Variants in CCDC185 observed in about 807,000 individuals in gnomAD.
CCDC185 encodes coiled-coil domain-containing protein 185.
For missense variants in CCDC185, 982 were observed against 825.3 expected (o/e 1.19, Z -2.33); for synonymous variants, 381 against 348.1 (o/e 1.09, Z -1.05).
In CCDC185 at chr1:223,394,466, C is replaced by T. The variant is rs6682552; in HGVS notation, c.991C>T (p.Arg331Trp). 0.052 allele frequency: 81,338 copies of T among 1,571,290 alleles called. 2,545 individuals are homozygous for T. The highest frequency in any genetic ancestry group is 0.12 in the Admixed American group (6,102 of 53,036). The change falls in exon 1 of 1, where the codon CGG becomes TGG. Residue 331 changes from arginine to tryptophan, a missense_variant. Transcript: ENST00000366875. ...TLQSPEQRGL[R>W]RDSQRKNVPP... Reference sequence around the variant, plus strand: ...CCAGAGCCCTGAGCAGCGCGGCCTGCGGCGGGACAGCCAGAGGAAGAACGT... The same window carrying T: ...CCAGAGCCCTGAGCAGCGCGGCCTGTGGCGGGACAGCCAGAGGAAGAACGT...
rs374524825 is a variant in CCDC185 at position 223,395,073 on chromosome 1, G to T, written c.1598G>T (p.Arg533Leu). 6.2e-7 allele frequency: 1 copy of T among 1,614,042 alleles called. No individual in the cohort carries two copies. Among genetic ancestry groups the T allele is most frequent in the South Asian group, 1.1e-5 (1 of 91,080 alleles). Residue 533 changes from arginine (R) to leucine (L), a missense_variant, in exon 1 of 1, where the codon CGG becomes CTG. Transcript: ENST00000366875. Reference sequence around the variant, plus strand: ...ACTAGGGACAAGGTGCAGCACCTCCGGGAGCTCAACCACCTGAGGGAGAAA... The same window carrying T: ...ACTAGGGACAAGGTGCAGCACCTCCTGGAGCTCAACCACCTGAGGGAGAAA... Reference protein sequence around the residue: ...KTTRDKVQHLRELNHLREKNH... With the variant: ...KTTRDKVQHLLELNHLREKNH...
In CCDC185 at chr1:223,395,151, A is replaced by G; in HGVS notation, c.1676A>G (p.Glu559Gly). The G allele has an allele frequency of 6.2e-7, 1 of 1,614,134 alleles. No individual in the cohort carries two copies. Among genetic ancestry groups the G allele is most frequent in the Non-Finnish European group, 8.5e-7 (1 of 1,180,010 alleles). Residue 559 changes from glutamate to glycine, a missense_variant, in exon 1 of 1, where the codon GAG (glutamate) becomes GGG (glycine). Glu to Gly is a moderately conservative substitution (Grantham distance 98). Transcript: ENST00000366875. ...GAGAAGGAGGAAAAGTGTCACATTG[A>G]GGGCATCAAGGAGGCCATTAAGAAA... ...KAEKEEKCHI[E>G]GIKEAIKKKE...
rs1352022228 is a variant in CCDC185 at position 223,393,994 on chromosome 1, A to G, written c.519A>G (p.Ala173=). ...AGGCACAGGGTGGAGACCAGTGGGC[A>G]GTGCCACTCGGCAGACATCTAGGTC... ...VEKAQGGDQW[A]VPLGRHLGRW... The change falls in exon 1 of 1, where the codon GCA becomes GCG. Residue 173 remains alanine (A), a synonymous_variant. Transcript: ENST00000366875. The surrounding 1 kb of genome is among the most constrained non-coding windows in gnomAD (Gnocchi z 4.8). 1.9e-6 allele frequency: 3 copies of G among 1,614,006 alleles called. No individual in the cohort carries two copies. In the Admixed American group the frequency reaches 5.0e-5, roughly 27 times the overall value.
In CCDC185 at chr1:223,394,372, G is replaced by A; in HGVS notation, c.897G>A (p.Glu299=). The change falls in exon 1 of 1, where the codon GAG becomes GAA. Residue 299 remains glutamate, a synonymous_variant. Transcript: ENST00000366875. ...RSDQKVQMTL[E]RERRLLLRQS... is the part of the protein sequence containing the mutation. ...ATCAGAAGGTCCAGATGACCCTGGA[G>A]CGGGAGCGCCGGCTGCTGCTGCGGC... is the stretch of plus-strand genomic sequence containing the variant. The A allele has an allele frequency of 6.3e-7, 1 of 1,576,898 alleles. No individual in the cohort carries two copies. Among genetic ancestry groups the A allele is most frequent in the Non-Finnish European group, 8.6e-7 (1 of 1,161,590 alleles).
At chr1:223,394,944 GGC>G in the CCDC185 span, 5 of 1,614,174 alleles carry the variant, frequency 3.1e-6, no homozygotes, top group Non-Finnish European at 4.2e-6. Flanking sequence ...CAGGCCAGGT[GGC>G]GCGCAGGGGA....
Position 223,394,620 on chromosome 1 carries a change from A to G in CCDC185, c.1145A>G (p.Gln382Arg). ...TGCCAGGTGCGGCGCCTGCGGGAGC[A>G]GGAGAAGATGCTACGGAACCTCCGG... is the stretch of plus-strand genomic sequence containing the variant. ...KQCQVRRLRE[Q>R]EKMLRNLREQ... Residue 382 changes from glutamine (Q) to arginine (R), a missense_variant, in exon 1 of 1, where the codon CAG becomes CGG. Gln to Arg is a conservative substitution (Grantham distance 43, BLOSUM62 1). Coordinates refer to ENST00000366875, the MANE Select transcript of CCDC185 (RefSeq NM_152610.3). 6.2e-7 allele frequency: 1 copy of G among 1,613,070 alleles called. No homozygotes were observed.
rs922962218 is a variant in CCDC185, at chr1:223,394,383, G to GGCT, written c.917_919dup (p.Leu306dup). ...CAGATGACCCTGGAGCGGGAGCGCC[G>GGCT]GCTGCTGCTGCGGCAGAGCCAGGAG... On this transcript the variant is annotated inframe_insertion, in exon 1 of 1. Transcript: ENST00000366875. 5.7e-6 allele frequency: 9 copies of GGCT among 1,571,504 alleles called. No homozygotes were observed. The highest frequency in any genetic ancestry group is 1.7e-4 in the Middle Eastern group (1 of 6,008).
chr1:223,393,881 C>A lies in CCDC185; in HGVS notation c.406C>A (p.Pro136Thr), dbSNP rs200002694. ...QLPPQRPQPC[P>T]HYPLAQGDSP... ...GCCACCCCAGCGGCCGCAGCCCTGC[C>A]CGCATTACCCTCTGGCCCAGGGAGA... The change falls in exon 1 of 1, where the codon CCG becomes ACG. Residue 136 changes from proline to threonine, a missense_variant. Pro to Thr is a conservative substitution (Grantham distance 38, BLOSUM62 -1). Coordinates refer to ENST00000366875, the MANE Select transcript of CCDC185 (RefSeq NM_152610.3). This position sits in a 1 kb window ranked among gnomAD's most constrained non-coding sequence, Gnocchi z 4.8. 1.3e-4 allele frequency: 212 copies of A among 1,609,236 alleles called. No homozygotes were observed. The African/African-American group carries it at 2.7e-3, about 20-fold the overall frequency.
chr1:223,395,345 T>C lies in CCDC185; in HGVS notation c.1870T>C (p.Ter624ArgextTer24), dbSNP rs1669652730. 2 of 1,508,114 alleles carry C rather than the reference T, an allele frequency of 1.3e-6. No homozygotes were observed. Among genetic ancestry groups the C allele is most frequent in the Non-Finnish European group, 1.8e-6 (2 of 1,130,834 alleles). The allele number at this position is 1,508,114 out of a possible 1,614,324, so 93.4% of individuals were successfully genotyped here. Residue 624 changes from the stop codon to arginine (R), a stop_lost, in exon 1 of 1, where the codon TGA becomes CGA. Transcript: ENST00000366875. ...TGCCTGTCAGCAGAACAGGGGTTAC[T>C]GAGAACCAAGGACGCCTGGCTTACA... ...LRACQQNRGY[*>R]
Position 223,394,453 on chromosome 1 carries a change from G to A in CCDC185, c.978G>A (p.Glu326=), listed in dbSNP as rs369291712. ...KEQRKTLQSP[E]QRGLRRDSQR... ...AGCGCAAGACCCTCCAGAGCCCTGA[G>A]CAGCGCGGCCTGCGGCGGGACAGCC... Residue 326 remains glutamate, a synonymous_variant, in exon 1 of 1, where the codon GAG becomes GAA. Transcript: ENST00000366875. The A allele has an allele frequency of 6.4e-7, 1 of 1,572,588 alleles. No individual in the cohort carries two copies.
chr1:223,394,344 C>T lies in CCDC185; in HGVS notation c.869C>T (p.Ser290Leu). 6.3e-7 allele frequency: 1 copy of T among 1,594,448 alleles called. No homozygotes were observed. The highest frequency in any genetic ancestry group is 8.5e-7 in the Non-Finnish European group (1 of 1,170,758). The change falls in exon 1 of 1, where the codon TCG becomes TTG. Residue 290 changes from serine (S) to leucine (L), a missense_variant. By Grantham distance (145) the Ser-to-Leu change is moderately radical. Transcript: ENST00000366875. Reference protein sequence around the residue: ...AAKAWEELKRSDQKVQMTLER... With the variant: ...AAKAWEELKRLDQKVQMTLER... ...AAGGCCTGGGAGGAGCTGAAGCGCT[C>T]GGATCAGAAGGTCCAGATGACCCTG...
Position 223,395,084 on chromosome 1 carries a change from C to A in CCDC185, c.1609C>A (p.His537Asn), listed in dbSNP as rs1354689139. The A allele has an allele frequency of 6.2e-7, 1 of 1,614,048 alleles. No homozygotes were observed. Among genetic ancestry groups the A allele is most frequent in the Non-Finnish European group, 8.5e-7 (1 of 1,180,032 alleles). Residue 537 changes from histidine to asparagine, a missense_variant, in exon 1 of 1, where the codon CAC (histidine) becomes AAC (asparagine). Coordinates refer to ENST00000366875, the MANE Select transcript of CCDC185 (RefSeq NM_152610.3). ...GGTGCAGCACCTCCGGGAGCTCAAC[C>A]ACCTGAGGGAGAAAAACCACCACAT... The part of the protein sequence containing the change: ...DKVQHLRELN[H>N]LREKNHHILK...
At position 223,394,263 on chromosome 1, in the gene CCDC185, T is replaced by G; in HGVS notation, c.788T>G (p.Val263Gly). Reference sequence around the variant, plus strand: ...CAGGACCAGCAGATTGTGGCCCTGGTGCTGACCCGTCTCAAGAAGGCCCAG... The same window carrying G: ...CAGGACCAGCAGATTGTGGCCCTGGGGCTGACCCGTCTCAAGAAGGCCCAG... ...SSQDQQIVAL[V>G]LTRLKKAQRI... Residue 263 changes from valine to glycine, a missense_variant, in exon 1 of 1, where the codon GTG becomes GGG. Transcript: ENST00000366875. 1 of 1,613,728 alleles carries G rather than the reference T, an allele frequency of 6.2e-7. No individual in the cohort carries two copies.
chr1:223,394,057 T>G lies in CCDC185; in HGVS notation c.582T>G (p.Ser194=), dbSNP rs1164520015. Residue 194 remains serine, a synonymous_variant, in exon 1 of 1, where the codon TCT becomes TCG. Transcript: ENST00000366875. ...CCTCAGTTCCCTCGGAGCGGTCTTCTGTGCCCTCGCAAAAGTTCAAGAGGC... is the reference window on the plus strand; with the variant it reads ...CCTCAGTTCCCTCGGAGCGGTCTTCGGTGCCCTCGCAAAAGTTCAAGAGGC... The part of the protein sequence containing the change: ...SPSSVPSERS[S]VPSQKFKRHS... The G allele has an allele frequency of 2.5e-6, 4 of 1,614,176 alleles. No individual in the cohort carries two copies. The highest frequency in any genetic ancestry group is 3.4e-6 in the Non-Finnish European group (4 of 1,180,046).
chr1:223,394,534 G>A lies in CCDC185; in HGVS notation c.1059G>A (p.Gln353=). ...ESRWKEQPED[Q]ESPRQEKLEK... Reference sequence around the variant, plus strand: ...GGTGGAAGGAGCAACCAGAGGACCAGGAGAGCCCGCGCCAGGAGAAGCTGG... The same window carrying A: ...GGTGGAAGGAGCAACCAGAGGACCAAGAGAGCCCGCGCCAGGAGAAGCTGG... Residue 353 remains glutamine (Q), a synonymous_variant, in exon 1 of 1, where the codon CAG becomes CAA. Coordinates refer to ENST00000366875, the MANE Select transcript of CCDC185 (RefSeq NM_152610.3). 2 of 1,598,466 alleles carry A rather than the reference G, an allele frequency of 1.3e-6. No individual in the cohort carries two copies. Among genetic ancestry groups the A allele is most frequent in the Non-Finnish European group, 1.7e-6 (2 of 1,173,078 alleles).
In CCDC185 at chr1:223,394,862, C is replaced by T. The variant is rs1429767895; in HGVS notation, c.1387C>T (p.His463Tyr). ...AAGTTTCCAGCGGTCCCAGGAGATA[C>T]ACCAGGGCCTGAGGAAGGAGCGGCA... is the stretch of plus-strand genomic sequence containing the variant. ...EQSFQRSQEI[H>Y]QGLRKERQRE... The change falls in exon 1 of 1, where the codon CAC (histidine) becomes TAC (tyrosine). Residue 463 changes from histidine to tyrosine, a missense_variant. By Grantham distance (83) the His-to-Tyr change is moderately conservative. Coordinates refer to ENST00000366875, the MANE Select transcript of CCDC185 (RefSeq NM_152610.3). The T allele has an allele frequency of 6.2e-7, 1 of 1,613,940 alleles. No individual in the cohort carries two copies. The highest frequency in any genetic ancestry group is 8.5e-7 in the Non-Finnish European group (1 of 1,180,002).
Position 223,394,260 on chromosome 1 carries a change from T to C in CCDC185, c.785T>C (p.Leu262Pro). The C allele has an allele frequency of 1.2e-6, 2 of 1,613,796 alleles. No individual in the cohort carries two copies. The highest frequency in any genetic ancestry group is 1.7e-6 in the Non-Finnish European group (2 of 1,180,008). ...VSSQDQQIVA[L>P]VLTRLKKAQR... is the part of the protein sequence containing the mutation. ...TCCCAGGACCAGCAGATTGTGGCCC[T>C]GGTGCTGACCCGTCTCAAGAAGGCC... The change falls in exon 1 of 1, where the codon CTG becomes CCG. Residue 262 changes from leucine to proline, a missense_variant. Leu to Pro is a moderately conservative substitution (Grantham distance 98). Coordinates refer to ENST00000366875, the MANE Select transcript of CCDC185 (RefSeq NM_152610.3).
chr1:223,393,961 G>A lies in CCDC185; in HGVS notation c.486G>A (p.Arg162=), dbSNP rs762140542. Residue 162 remains arginine, a synonymous_variant, in exon 1 of 1, where the codon AGG becomes AGA. Coordinates refer to ENST00000366875, the MANE Select transcript of CCDC185 (RefSeq NM_152610.3). This position sits in a 1 kb window ranked among gnomAD's most constrained non-coding sequence, Gnocchi z 4.8. ...GCACTCCCCTGAGTGGCACATTCAG[G>A]GTAGAAAAGGCACAGGGTGGAGACC... ...GAGTPLSGTF[R]VEKAQGGDQW... 14 of 1,613,904 alleles carry A rather than the reference G, an allele frequency of 8.7e-6. No individual in the cohort carries two copies. The highest frequency in any genetic ancestry group is 1.1e-5 in the Non-Finnish European group (13 of 1,179,972).
rs1669654015 is a variant in CCDC185, at chr1:223,395,409, T to G, written c.*62T>G. On this transcript the variant is annotated 3_prime_UTR_variant, in exon 1 of 1. Coordinates refer to ENST00000366875, the MANE Select transcript of CCDC185 (RefSeq NM_152610.3). ...AGGAGATGTGGCAATGTGATTCCTTTTGTAATCTGATTATAATTGAACATT... is the reference window on the plus strand; with the variant it reads ...AGGAGATGTGGCAATGTGATTCCTTGTGTAATCTGATTATAATTGAACATT... 7.1e-7 allele frequency: 1 copy of G among 1,413,920 alleles called. No homozygotes were observed. Among genetic ancestry groups the G allele is most frequent in the African/African-American group, 1.4e-5 (1 of 69,414 alleles). The allele number at this position is 1,413,920 out of a possible 1,614,324, so 87.6% of individuals were successfully genotyped here.
Sources: allele counts gnomAD v4.1 joint callset, GRCh38; gene constraint gnomAD v4.1.1; non-coding constraint Gnocchi (gnomAD v3.1); transcripts MANE v1.5; gene names NCBI Gene and HGNC (gene_info 2026-07-23, HGNC 2026-07-21).